Variants in RELL1 observed in about 807,000 individuals in gnomAD.
RELL1 encodes RELT-like protein 1.
Under a neutral mutation model 23.0 loss-of-function variants are expected in RELL1, and 10 were observed. The observed-to-expected ratio is 0.43, with a 90% CI of 0.27 to 0.74. The LOEUF is 0.74. Among genes scored for constraint, RELL1 ranks in the 30% least tolerant of loss-of-function variants. The pLI is 0.19. For synonymous variants in RELL1, 146 were observed against 146.8 expected (o/e 0.99, Z 0.04); for missense variants, 315 against 364.4 (o/e 0.86, Z 1.10).
At chr4:37,605,765 AAG>A (rs1553871628), downstream of RELL1, among the ~76,000 whole-genome samples, 2 of 92,180 alleles carry the variant, frequency 2.2e-5, no homozygotes, top group African/African-American at 7.1e-5. Context: ...AGAATAAAGA[AAG>A]AGAGAGAGAG....
Position 37,669,298 on chromosome 4 carries a change from C to G in RELL1, c.88+16902G>C, listed in dbSNP as rs548087468. Among the ~76,000 whole-genome samples the G allele has an allele frequency of 2.5e-3, 370 of 146,644 alleles. 9 individuals carry two copies. Among genetic ancestry groups the G allele is most frequent in the African/African-American group, 8.9e-3 (337 of 37,688 alleles). ...GAGGTGAGGGGAGCCTCTGCCCGGC[C>G]GCCTCTACTGGGAAGTGAGGAGCCC... On this transcript the variant is annotated intron_variant, in intron 1 of 6. Transcript: ENST00000454158.
chr4:37,604,868 C>CACACACACACACACACACACACAG (rs1553871545), intron 6 of RELL1, among the ~76,000 whole-genome samples: 3 of 87,518 alleles, frequency 3.4e-5, no homozygotes, highest in Admixed American at 1.2e-4. Flanking sequence ...CACACACAGA[C>CACACACACACACACACACACACAG]ACACACACAC....
At position 37,649,387 on chromosome 4, in the gene RELL1, A is replaced by G. The variant is rs1720816514; in HGVS notation, c.202T>C (p.Phe68Leu). 1.2e-6 allele frequency: 2 copies of G among 1,614,256 alleles called. No individual in the cohort carries two copies. Among genetic ancestry groups the G allele is most frequent in the Non-Finnish European group, 1.7e-6 (2 of 1,180,036 alleles). Reference protein sequence around the residue: ...YIAYALVPVFFIMGLFGVLIC... With the variant: ...YIAYALVPVFLIMGLFGVLIC... ...AGGACGCCAAAGAGACCCATGATAAAGAACACAGGGACAAGCGCGTATGCA... is the reference window on the plus strand; with the variant it reads ...AGGACGCCAAAGAGACCCATGATAAGGAACACAGGGACAAGCGCGTATGCA... The change falls in exon 2 of 7, where the codon TTT (phenylalanine) becomes CTT (leucine). Residue 68 changes from phenylalanine (F) to leucine (L), a missense_variant. Physicochemically the swap from Phe to Leu is conservative, Grantham distance 22 (BLOSUM62 0). Transcript: ENST00000454158.
chr4:37,655,842 C>T (rs1408781616), intron 1 of RELL1, among the ~76,000 whole-genome samples: 1 of 152,178 alleles, frequency 6.6e-6, no homozygotes, highest in African/African-American at 2.4e-5. Flanking sequence ...AATGAGTTTC[C>T]AGAAGAGGTA....
downstream of RELL1, chr4:37,590,451 A>G (rs914049776): frequency 1.2e-6 from 2 of 1,610,638 alleles, no homozygotes; most frequent in African/African-American, 2.7e-5. Flanking sequence ...CTGTTCCCCC[A>G]ACTCAACCCT....
intron 3 of RELL1, among the ~76,000 whole-genome samples, chr4:37,645,830 G>A (rs1388294858): frequency 6.6e-6 from 1 of 152,202 alleles, no homozygotes; most frequent in Non-Finnish European, 1.5e-5. Flanking sequence ...AAACAGCAAT[G>A]AAAATTATGC....
downstream of RELL1, chr4:37,590,573 C>T: frequency 6.2e-7 from 1 of 1,614,174 alleles, no homozygotes; most frequent in Non-Finnish European, 8.5e-7. Context: ...GAAAGTTTTG[C>T]CTTGGAAGTA....
At chr4:37,651,002 T>G (rs1342171052) in intron 1 of RELL1, among the ~76,000 whole-genome samples, 18 of 146,342 alleles carry the variant, frequency 1.2e-4, no homozygotes, top group Admixed American at 1.1e-3. Context: ...GAGGTTGCAG[T>G]GAGCCAAGAA....
chr4:37,650,395 C>A (rs776189491), intron 1 of RELL1, among the ~76,000 whole-genome samples: 1 of 152,186 alleles, frequency 6.6e-6, no homozygotes, highest in Non-Finnish European at 1.5e-5. Flanking sequence ...GTGACAAGCA[C>A]CACACTGGGT....
At chr4:37,676,510 A>G (rs1422944857) in intron 1 of RELL1, among the ~76,000 whole-genome samples, 3 of 152,198 alleles carry the variant, frequency 2.0e-5, no homozygotes. Context: ...TGGGTTTCGA[A>G]AATCTCTGCA....
At position 37,677,223 on chromosome 4, in the gene RELL1, G is replaced by T. The variant is rs190466146; in HGVS notation, c.88+8977C>A. 3.8e-3 allele frequency among the ~76,000 whole-genome samples: 581 copies of T among 152,332 alleles called. 1 individual carries two copies. Among genetic ancestry groups the T allele is most frequent in the African/African-American group, 0.013 (554 of 41,562 alleles). ...GGATCAAGGGCATATGTAGATCAAG[G>T]AAACCTGCCATAGGCAGCAAGGCTG... On this transcript the variant is annotated intron_variant, in intron 1 of 6. Transcript: ENST00000454158.
At chr4:37,620,675 C>T (rs1308854353) in intron 6 of RELL1, among the ~76,000 whole-genome samples, 1 of 152,190 alleles carries the variant, frequency 6.6e-6, no homozygotes, top group Non-Finnish European at 1.5e-5. Context: ...GTGAGCTAGA[C>T]AGAGTTCAGC....
intron 6 of RELL1, among the ~76,000 whole-genome samples, chr4:37,603,809 T>TTTG (rs913041493): frequency 5.3e-5 from 8 of 151,972 alleles, no homozygotes; most frequent in African/African-American, 1.7e-4. Context: ...GTTGCTTTTT[T>TTTG]TTGTTGTTGT....
At chr4:37,659,615 T>C (rs1021670035) in intron 1 of RELL1, among the ~76,000 whole-genome samples, 7 of 152,204 alleles carry the variant, frequency 4.6e-5, no homozygotes, top group African/African-American at 1.7e-4. Context: ...ACCTCTGTGA[T>C]ACTGAACAAG....
downstream of RELL1, among the ~76,000 whole-genome samples, chr4:37,605,793 GAGAAAGAAAGAA>G (rs771797298): frequency 1.3e-3 from 117 of 90,360 alleles, no homozygotes; most frequent in African/African-American, 4.0e-3. Flanking sequence ...GAGAAAGAAA[GAGAAAGAAAGAA>G]AGAAAGAAAG....
intron 6 of RELL1, among the ~76,000 whole-genome samples, chr4:37,621,259 A>G (rs897640386): frequency 6.6e-6 from 1 of 152,288 alleles, no homozygotes; most frequent in Middle Eastern, 3.4e-3. Flanking sequence ...GATCAAGACC[A>G]TCCTGGCTAG....
chr4:37,597,773 G>A (rs1718904321), intron 6 of RELL1, among the ~76,000 whole-genome samples: 1 of 152,152 alleles, frequency 6.6e-6, no homozygotes, highest in Admixed American at 6.6e-5. Flanking sequence ...TACAGGGGCT[G>A]GGTGCCGTGG....
At chr4:37,595,415 G>A (rs376757607) in intron 6 of RELL1, among the ~76,000 whole-genome samples, 14 of 152,272 alleles carry the variant, frequency 9.2e-5, no homozygotes, top group African/African-American at 2.4e-4. Flanking sequence ...AAAAAAATGC[G>A]TTTGGCCTGA....
At chr4:37,592,151 G>C (rs1312980810) in intron 6 of RELL1, among the ~76,000 whole-genome samples, 1 of 149,730 alleles carries the variant, frequency 6.7e-6, no homozygotes, top group Non-Finnish European at 1.5e-5. Flanking sequence ...GGAGGTTGCA[G>C]TGAGCTGAGA....
Sources: gnomAD v4.1 joint callset for allele counts (sites outside exome capture counted in the v4.1 genomes callset) on GRCh38, gnomAD v4.1.1 for gene constraint, MANE v1.5 for transcripts, NCBI Gene and HGNC (gene_info 2026-07-23, HGNC 2026-07-21) for gene names.